The following NTM variants were observed in gnomAD, a reference collection of about 807,000 sequenced individuals.
The protein encoded by NTM is IgLON family member 2.
Under a neutral mutation model 42.1 loss-of-function variants are expected in NTM, and 13 were observed. The ratio of observed to expected loss-of-function variants is 0.31; its 90% CI spans 0.20 to 0.49. The LOEUF is 0.49. Ranked by LOEUF, NTM falls within the 20% of genes least tolerant of loss-of-function variation. NTM has a pLI of 0.99. For missense variants in NTM, 373 were observed against 452.8 expected (o/e 0.82, Z 1.60); for synonymous variants, 187 against 179.2 (o/e 1.04, Z -0.35).
intron 1 of NTM, among the ~76,000 whole-genome samples, chr11:131,452,251 C>T (rs11608043): frequency 3.9e-5 from 6 of 152,218 alleles, no homozygotes; most frequent in African/African-American, 7.2e-5. Flanking sequence ...TGCTGCCGAG[C>T]GCCCCGTGGC....
intron 1 of NTM, among the ~76,000 whole-genome samples, chr11:131,747,968 C>A (rs2082025422): frequency 6.6e-6 from 1 of 152,208 alleles, no homozygotes; most frequent in Admixed American, 6.5e-5. Flanking sequence ...TCGCCGGGCA[C>A]CACATAGCAC....
At chr11:131,398,897 G>T (rs956735883) in intron 1 of NTM, among the ~76,000 whole-genome samples, 2 of 152,108 alleles carry the variant, frequency 1.3e-5, no homozygotes, top group African/African-American at 4.8e-5. Flanking sequence ...CTAAATAAAA[G>T]GCTTGAACAT....
chr11:131,472,269 C>T (rs555069117), intron 1 of NTM, among the ~76,000 whole-genome samples: 151 of 152,276 alleles, frequency 9.9e-4, no homozygotes, highest in African/African-American at 3.4e-3. Context: ...AGCCCCCACT[C>T]TCTGGAAGGG....
intron 2 of NTM, among the ~76,000 whole-genome samples, chr11:132,082,307 AAG>A (rs1194253889): frequency 6.6e-6 from 1 of 152,100 alleles, no homozygotes; most frequent in African/African-American, 2.4e-5. Flanking sequence ...TCTCAACAAA[AAG>A]AGAGATCCTG....
chr11:131,964,100 C>A (rs535952808), intron 2 of NTM, among the ~76,000 whole-genome samples: 3 of 152,052 alleles, frequency 2.0e-5, no homozygotes, highest in African/African-American at 2.4e-5. Flanking sequence ...CTAAGCCAGA[C>A]CAAAGGGCTG....
intron 7 of NTM, among the ~76,000 whole-genome samples, chr11:132,315,353 A>G (rs1175475083): frequency 6.6e-6 from 1 of 152,234 alleles, no homozygotes. Context: ...ACAGCTGTGC[A>G]GACATGAGCC....
chr11:132,032,176 C>A (rs763800481), intron 2 of NTM, among the ~76,000 whole-genome samples: 1 of 152,256 alleles, frequency 6.6e-6, no homozygotes, highest in Non-Finnish European at 1.5e-5. Context: ...GCCATTCCAC[C>A]GCCTGTCTCT....
chr11:131,370,730 A>G lies in NTM; in HGVS notation c.-77A>G, dbSNP rs1941046650. 1 of 1,269,280 alleles carries G rather than the reference A, an allele frequency of 7.9e-7. No homozygotes were observed. The highest frequency in any genetic ancestry group is 1.9e-5 in the Admixed American group (1 of 52,352). 78.6% of individuals were successfully genotyped at this position (1,269,280 alleles called of 1,614,324 possible). ...ATCTCCTTGCACAAGCTTGAGAGCA[A>G]CACAATCTATCAGGAAAGAAAGAAA... On this transcript the variant is annotated 5_prime_UTR_variant, in exon 1 of 9. Transcript: ENST00000683400.
chr11:132,021,490 A>G (rs1328600842), intron 2 of NTM, among the ~76,000 whole-genome samples: 2 of 152,064 alleles, frequency 1.3e-5, no homozygotes, highest in Non-Finnish European at 2.9e-5. Context: ...TATTTTAGCA[A>G]ATATTCCTAG....
chr11:132,276,091 C>A (rs2093717394), intron 4 of NTM, among the ~76,000 whole-genome samples: 2 of 152,032 alleles, frequency 1.3e-5, no homozygotes, highest in South Asian at 4.2e-4. Context: ...TGAGATCATG[C>A]AGTATTTGTC....
At chr11:132,309,304 C>G (rs1026483846) in intron 5 of NTM, among the ~76,000 whole-genome samples, 4 of 152,178 alleles carry the variant, frequency 2.6e-5, no homozygotes, top group Non-Finnish European at 4.4e-5. Flanking sequence ...GTCACTTGCT[C>G]TGGTTTGATT....
rs1281879059 is a variant in NTM, at chr11:131,606,850, AAG to A, written c.82+235965_82+235966del. Among the ~76,000 whole-genome samples the A allele has an allele frequency of 5.9e-5, 9 of 152,190 alleles. No homozygotes were observed. In the East Asian group the frequency reaches 1.7e-3, roughly 29 times the overall value. ...AGTTTTCCTACCCCAGCACAAAAAA[AAG>A]AGGCCGTGGTTTAAGAGACCACATG... is the stretch of plus-strand genomic sequence containing the variant. On this transcript the variant is annotated intron_variant, in intron 1 of 8. Coordinates refer to ENST00000683400, the MANE Select transcript of NTM (RefSeq NM_001352005.2).
Position 132,151,012 on chromosome 11 carries a change from C to A in NTM, c.400+4498C>A, listed in dbSNP as rs113354574. Among the ~76,000 whole-genome samples the A allele has an allele frequency of 6.8e-3, 1,038 of 152,256 alleles. 18 individuals carry two copies. Among genetic ancestry groups the A allele is most frequent in the African/African-American group, 0.024 (1,002 of 41,542 alleles). ...CTTTTTGTCCAGAATAGGGGAGATT[C>A]ATCTAAAATTTATTAACATTTAGGT... is the stretch of plus-strand genomic sequence containing the variant. On this transcript the variant is annotated intron_variant, in intron 3 of 8. Coordinates refer to ENST00000683400, the MANE Select transcript of NTM (RefSeq NM_001352005.2).
chr11:131,988,562 G>A (rs921344462), intron 2 of NTM, among the ~76,000 whole-genome samples: 4 of 152,216 alleles, frequency 2.6e-5, no homozygotes, highest in Admixed American at 6.5e-5. Flanking sequence ...GGCTGTAGAC[G>A]TGGTGAGGTA....
intron 1 of NTM, among the ~76,000 whole-genome samples, chr11:131,438,862 C>T (rs577995657): frequency 2.0e-4 from 31 of 152,294 alleles, no homozygotes; most frequent in African/African-American, 6.3e-4. Flanking sequence ...GGAGAAGAGA[C>T]GCTCTGGTTT....
At chr11:131,619,816 C>CTT (rs1295440951) in intron 1 of NTM, among the ~76,000 whole-genome samples, 3 of 142,658 alleles carry the variant, frequency 2.1e-5, no homozygotes, top group Non-Finnish European at 4.6e-5. Flanking sequence ...TAAACATCTT[C>CTT]TTTTTTTTTT....
chr11:131,977,213 C>T (rs1423057581), intron 2 of NTM, among the ~76,000 whole-genome samples: 4 of 152,206 alleles, frequency 2.6e-5, no homozygotes, highest in Non-Finnish European at 4.4e-5. Flanking sequence ...TAAGATAGTT[C>T]GCTGCATTTT....
At chr11:131,623,378 TATC>T (rs1468360266) in intron 1 of NTM, among the ~76,000 whole-genome samples, 1 of 152,242 alleles carries the variant, frequency 6.6e-6, no homozygotes, top group Admixed American at 6.5e-5. Flanking sequence ...AAATATGAGA[TATC>T]ATTAGAATGA....
rs144836364 is a variant in NTM at position 132,310,615 on chromosome 11, C to T, written c.782+383C>T. ...TGCGTAAAGGAGTTAGGAAGGCTCT[C>T]AGGGCCCTGGGAGTGGCTAATAAGT... On this transcript the variant is annotated intron_variant, in intron 6 of 8. Transcript: ENST00000683400. Among the ~76,000 whole-genome samples, 857 of 152,188 alleles carry T rather than the reference C, an allele frequency of 5.6e-3. 5 individuals are homozygous for T. The highest frequency in any genetic ancestry group is 9.0e-3 in the Non-Finnish European group (613 of 68,010).
Sources: gnomAD v4.1 joint callset for allele counts (sites outside exome capture counted in the v4.1 genomes callset) on GRCh38, gnomAD v4.1.1 for gene constraint, MANE v1.5 for transcripts, NCBI Gene and HGNC (gene_info 2026-07-23, HGNC 2026-07-21) for gene names.